BRF1: variants seen among roughly 807,000 people sequenced by gnomAD.
BRF1 encodes transcription factor IIIB 90 kDa subunit.
A neutral mutation model predicts 81.7 loss-of-function variants in BRF1; 59 were observed. The observed-to-expected ratio is 0.72, with a 90% CI of 0.59 to 0.90. The LOEUF (loss-of-function observed/expected upper bound fraction) is 0.90, where lower values mean the gene tolerates loss of function less well. Among genes scored for constraint, BRF1 ranks in the 40% least tolerant of loss-of-function variants. The probability of loss-of-function intolerance (pLI) is 0.00; values close to 1 mark genes in which losing one functional copy is unlikely to be tolerated. For synonymous variants in BRF1, 491 were observed against 395.6 expected (o/e 1.24, Z -2.86); for missense variants, 1,050 against 936.3 (o/e 1.12, Z -1.58).
intron 2 of BRF1, among the ~76,000 whole-genome samples, chr14:105,275,320 C>A (rs1174293805): frequency 2.0e-5 from 3 of 152,212 alleles, no homozygotes; most frequent in African/African-American, 7.2e-5. Flanking sequence ...AGGCCACCTG[C>A]CTAGAGCTCA....
intron 5 of BRF1, chr14:105,248,566 G>C (rs2055301569): frequency 7.7e-6 from 6 of 775,350 alleles, no homozygotes; most frequent in Middle Eastern, 6.7e-4. Flanking sequence ...GGCGGGTACG[G>C]GCTCGGGCGG....
chr14:105,209,540 C>T lies in BRF1; in HGVS notation c.*1011G>A, dbSNP rs988016798. On this transcript the variant is annotated 3_prime_UTR_variant, in exon 18 of 18. Coordinates refer to ENST00000547530, the MANE Select transcript of BRF1 (RefSeq NM_001519.4). ...AGGACACAGGGTGAAGCCCCCTCGG[C>T]CACATCCGGGGCAGCCATGCCAGAG... The T allele has an allele frequency of 4.3e-5, 30 of 702,512 alleles. No homozygotes were observed. Among genetic ancestry groups the T allele is most frequent in the Admixed American group, 1.4e-4 (7 of 49,984 alleles). 43.5% of individuals were successfully genotyped at this position (702,512 alleles called of 1,614,324 possible).
intron 3 of BRF1, among the ~76,000 whole-genome samples, chr14:105,262,062 GCAGCACTCAGCATA>G (rs1268775588): frequency 1.3e-5 from 2 of 152,206 alleles, no homozygotes; most frequent in African/African-American, 4.8e-5. Context: ...CAAGGCCCTG[GCAGCACTCAGCATA>G]CAGCACTCAG....
intron 10 of BRF1, among the ~76,000 whole-genome samples, chr14:105,224,251 C>A (rs1240620184): frequency 1.3e-5 from 2 of 152,152 alleles, no homozygotes; most frequent in East Asian, 3.8e-4. Context: ...TGCCTGTAGT[C>A]CCAACTACTC....
At position 105,283,816 on chromosome 14, in the gene BRF1, T is replaced by TG. The variant is rs1295657140; in HGVS notation, c.265+2479dup. 2.6e-5 allele frequency among the ~76,000 whole-genome samples: 4 copies of TG among 152,076 alleles called. No homozygotes were observed. In the East Asian group the frequency reaches 7.7e-4, roughly 29 times the overall value. On this transcript the variant is annotated intron_variant, in intron 2 of 17. Transcript: ENST00000547530. ...AAAGCTCTTCACATGGAGAAAATCT[T>TG]GAAGTCAGTAGAAGAAAAAAAGGAG...
intron 1 of BRF1, among the ~76,000 whole-genome samples, chr14:105,310,765 A>G (rs587692974): frequency 6.6e-6 from 1 of 152,314 alleles, no homozygotes; most frequent in African/African-American, 2.4e-5. Context: ...TCATGGAGAA[A>G]ATAGGAGATA....
chr14:105,253,623 G>A (rs1260176615), intron 4 of BRF1, among the ~76,000 whole-genome samples: 1 of 152,250 alleles, frequency 6.6e-6, no homozygotes, highest in East Asian at 1.9e-4. Context: ...AGAGACAGAG[G>A]CAAGAGCCAG....
intron 10 of BRF1, among the ~76,000 whole-genome samples, chr14:105,225,430 T>C (rs1892931434): frequency 6.6e-6 from 1 of 152,112 alleles, no homozygotes; most frequent in African/African-American, 2.4e-5. Context: ...CCCCCTCCCT[T>C]TGGAGTTCAG....
chr14:105,273,673 G>A (rs2056756504), intron 2 of BRF1, among the ~76,000 whole-genome samples: 2 of 152,192 alleles, frequency 1.3e-5, no homozygotes, highest in East Asian at 1.9e-4. Context: ...CTAGGGCTGT[G>A]CAGGACGTGC....
chr14:105,283,209 C>T (rs587645550), intron 2 of BRF1, among the ~76,000 whole-genome samples: 66 of 152,272 alleles, frequency 4.3e-4, no homozygotes, highest in African/African-American at 1.0e-3. Context: ...ACGACTCCGG[C>T]GAAAAGTCAG....
At chr14:105,248,081 G>A (rs2055246892) in intron 5 of BRF1, 1 of 985,358 alleles carries the variant, frequency 1.0e-6, no homozygotes, top group Admixed American at 6.1e-5. Context: ...TAACCTCTCT[G>A]TGCCTATTTC....
chr14:105,248,712 A>G, intron 5 of BRF1: 1 of 981,418 alleles, frequency 1.0e-6, no homozygotes, highest in Non-Finnish European at 1.2e-6. Flanking sequence ...GCCGCCGCCC[A>G]TGCTGCTGCC....
At chr14:105,264,435 T>C (rs185847981) in intron 3 of BRF1, among the ~76,000 whole-genome samples, 2 of 151,792 alleles carry the variant, frequency 1.3e-5, no homozygotes, top group East Asian at 3.9e-4. Context: ...GAGGCCGAGG[T>C]GGGCGGATCA....
At chr14:105,223,354 A>G (rs1455294967) in intron 10 of BRF1, among the ~76,000 whole-genome samples, 1 of 94,558 alleles carries the variant, frequency 1.1e-5, no homozygotes, top group African/African-American at 8.0e-5. Context: ...CCTCTAACAG[A>G]TGAATGGCTA....
intron 15 of BRF1, among the ~76,000 whole-genome samples, chr14:105,215,046 T>C (rs1438240176): frequency 3.3e-5 from 5 of 152,164 alleles, no homozygotes; most frequent in African/African-American, 1.2e-4. Context: ...CCCTGAGGTC[T>C]TCATGCTTCC....
rs146194203 is a variant in BRF1, at chr14:105,228,930, C to G, written c.695-17G>C. On this transcript the variant is annotated splice_polypyrimidine_tract_variant and intron_variant, in intron 6 of 17. Transcript: ENST00000547530. ...CCAGGAGCGCTGGAAGGCAACGAGA[C>G]GGGCCTCGTCAACCACGGCTGGGAA... 4 of 1,612,334 alleles carry G rather than the reference C, an allele frequency of 2.5e-6. No individual in the cohort carries two copies. The highest frequency in any genetic ancestry group is 1.3e-5 in the African/African-American group (1 of 75,034).
At chr14:105,253,709 C>T (rs2055730063) in intron 4 of BRF1, among the ~76,000 whole-genome samples, 1 of 152,244 alleles carries the variant, frequency 6.6e-6, no homozygotes, top group African/African-American at 2.4e-5. Flanking sequence ...AGCAGCTCCT[C>T]CTGGTCACCA....
intron 10 of BRF1, chr14:105,222,149 A>G (rs1892380378): frequency 2.1e-6 from 1 of 469,766 alleles, no homozygotes; most frequent in Admixed American, 4.4e-5. Context: ...CATTTCAGAC[A>G]AAAACGTAAA....
chr14:105,262,009 G>C (rs1319547408), intron 3 of BRF1, among the ~76,000 whole-genome samples: 2 of 152,252 alleles, frequency 1.3e-5, no homozygotes. Flanking sequence ...CCCGGCCGAA[G>C]CTCCGTGTAG....
Sources: gnomAD v4.1 joint callset for allele counts (sites outside exome capture counted in the v4.1 genomes callset) on GRCh38, gnomAD v4.1.1 for gene constraint, MANE v1.5 for transcripts, NCBI Gene and HGNC (gene_info 2026-07-23, HGNC 2026-07-21) for gene names.